The following DDX42 variants were observed in gnomAD, a reference collection of about 807,000 sequenced individuals.
DDX42 encodes DEAD-box helicase 42, also known as ATP-dependent RNA helicase DDX42.
A neutral mutation model predicts 101.5 loss-of-function variants in DDX42; 22 were observed. That is an observed-to-expected ratio of 0.22 (90% confidence interval 0.15 to 0.31). The LOEUF (loss-of-function observed/expected upper bound fraction) is 0.31. Among genes scored for constraint, DDX42 ranks in the 10% least tolerant of loss-of-function variants. The pLI is 1.00. For synonymous variants in DDX42, 402 were observed against 401.2 expected (o/e 1.00, Z -0.02); for missense variants, 849 against 1,199.9 (o/e 0.71, Z 4.32).
intron 1 of DDX42, among the ~76,000 whole-genome samples, chr17:63,778,148 A>C (rs2039443088): frequency 6.6e-6 from 1 of 152,186 alleles, no homozygotes; most frequent in Non-Finnish European, 1.5e-5. Context: ...CGGTATTAAC[A>C]CACACTATGC....
intron 6 of DDX42, among the ~76,000 whole-genome samples, chr17:63,802,781 A>G (rs2039787725): frequency 6.6e-6 from 1 of 152,050 alleles, no homozygotes. Context: ...ATGGTGGTGC[A>G]TGCCTGTAAT....
At chr17:63,814,777 C>T (rs1179673657) in intron 15 of DDX42, among the ~76,000 whole-genome samples, 6 of 147,386 alleles carry the variant, frequency 4.1e-5, no homozygotes, top group Admixed American at 2.1e-4. Flanking sequence ...GCAACCTCTG[C>T]GTCTCCGGTT....
In DDX42 at chr17:63,800,480, C is replaced by T; in HGVS notation, c.484C>T (p.Arg162Ter). 1 of 1,613,128 alleles carries T rather than the reference C, an allele frequency of 6.2e-7. No individual in the cohort carries two copies. The highest frequency in any genetic ancestry group is 8.5e-7 in the Non-Finnish European group (1 of 1,179,656). Residue 162 changes from arginine (R) to a stop codon, truncating the protein, a stop_gained, in exon 6 of 18, where the codon CGA (arginine) becomes TGA (stop). Coordinates refer to ENST00000389924, the MANE Select transcript of DDX42 (RefSeq NM_203499.3). LOFTEE classifies it high-confidence loss of function. ...EEEDDQEAYF[R>*]YMAENPTAGV... ...TGCTTTCCTGCAGGAAGCTTATTTT[C>T]GATACATGGCAGAAAACCCAACTGC...
In DDX42 at chr17:63,813,847, C is replaced by CT. The variant is rs796849319; in HGVS notation, c.1902+403dup. Among the ~76,000 whole-genome samples, 861 of 147,836 alleles carry CT rather than the reference C, an allele frequency of 5.8e-3. 6 individuals carry two copies. The highest frequency in any genetic ancestry group is 0.02 in the African/African-American group (790 of 40,434). On this transcript the variant is annotated intron_variant, in intron 15 of 17. Coordinates refer to ENST00000389924, the MANE Select transcript of DDX42 (RefSeq NM_203499.3). ...TGTGTATAGTATAGTGCCCCCCCAC[C>CT]TTTTTTTTTTGAGACAGAATCTCAC... is the stretch of plus-strand genomic sequence containing the variant.
intron 6 of DDX42, among the ~76,000 whole-genome samples, chr17:63,803,743 G>A (rs896872129): frequency 3.3e-5 from 5 of 151,022 alleles, no homozygotes; most frequent in African/African-American, 7.3e-5. Context: ...TCCTCCTCCC[G>A]GGTTCAAGAG....
chr17:63,804,978 T>C, intron 6 of DDX42, 93 bp from the exon 7 acceptor site: 1 of 1,460,256 alleles, frequency 6.8e-7, no homozygotes, highest in Middle Eastern at 1.8e-4. Flanking sequence ...GCTTTACTTG[T>C]GTAAAATTTG....
chr17:63,807,986 T>A (rs1020278640), intron 9 of DDX42, 86 bp downstream of exon 9: 2 of 964,144 alleles, frequency 2.1e-6, no homozygotes, highest in Admixed American at 3.6e-5. Context: ...ACCAGGAAAC[T>A]TTTTTTTTTA....
chr17:63,812,174 G>T lies in DDX42; in HGVS notation c.1641G>T (p.Lys547Asn). 6.2e-7 allele frequency: 1 copy of T among 1,614,058 alleles called. No individual in the cohort carries two copies. The change falls in exon 14 of 18, where the codon AAG becomes AAT. Residue 547 changes from lysine to asparagine, a missense_variant. Coordinates refer to ENST00000389924, the MANE Select transcript of DDX42 (RefSeq NM_203499.3). ...AGGTCATTTCAGACTTTAAGAAAAAGGACATCCCAGTCCTGGTGGCCACAG... is the reference window on the plus strand; with the variant it reads ...AGGTCATTTCAGACTTTAAGAAAAATGACATCCCAGTCCTGGTGGCCACAG... ...RNKVISDFKK[K>N]DIPVLVATDV...
chr17:63,799,261 G>A (rs1465357126), intron 4 of DDX42, among the ~76,000 whole-genome samples: 1 of 151,884 alleles, frequency 6.6e-6, no homozygotes, highest in East Asian at 1.9e-4. Flanking sequence ...TTTCACAACC[G>A]CATTGTTTGT....
chr17:63,810,484 TA>T (rs766779295), intron 11 of DDX42, 28 bp from the exon 12 acceptor site: 19 of 1,611,790 alleles, frequency 1.2e-5, no homozygotes, highest in Non-Finnish European at 1.5e-5. Context: ...TTTCAGGTTA[TA>T]ATAATTTTAT....
chr17:63,780,228 G>A (rs532860333), intron 1 of DDX42, among the ~76,000 whole-genome samples: 20 of 152,168 alleles, frequency 1.3e-4, no homozygotes, highest in African/African-American at 4.6e-4. Flanking sequence ...CCTGGGAGGC[G>A]GAGGTTGTGG....
At chr17:63,791,014 T>C (rs1441787820) in intron 2 of DDX42, among the ~76,000 whole-genome samples, 2 of 152,368 alleles carry the variant, frequency 1.3e-5, no homozygotes, top group Non-Finnish European at 2.9e-5. Flanking sequence ...TGTATATATA[T>C]GTATGCATGT....
In DDX42 at chr17:63,810,029, C is replaced by G. The variant is rs148258989; in HGVS notation, c.1252+370C>G. On this transcript the variant is annotated intron_variant, in intron 11 of 17. Transcript: ENST00000389924. ...GCTGTCTTTACTGATTGGAACACTG[C>G]TAGACCTAGCCCAGTTGGATGGAGG... Among the ~76,000 whole-genome samples the G allele has an allele frequency of 1.2e-3, 179 of 152,224 alleles. 1 individual carries two copies. The highest frequency in any genetic ancestry group is 4.3e-3 in the African/African-American group (178 of 41,540).
chr17:63,812,180 C>G lies in DDX42; in HGVS notation c.1647C>G (p.Ile549Met). 6.2e-7 allele frequency: 1 copy of G among 1,613,608 alleles called. No individual in the cohort carries two copies. Among genetic ancestry groups the G allele is most frequent in the Non-Finnish European group, 8.5e-7 (1 of 1,179,628 alleles). The change falls in exon 14 of 18, where the codon ATC (isoleucine) becomes ATG (methionine). Residue 549 changes from isoleucine (I) to methionine (M), a missense_variant. Physicochemically the swap from Ile to Met is conservative, Grantham distance 10 (BLOSUM62 1). This residue lies in a region of DDX42 where 370 missense variants were observed against 608.8 expected (regional missense o/e 0.61). Coordinates refer to ENST00000389924, the MANE Select transcript of DDX42 (RefSeq NM_203499.3). ...KVISDFKKKD[I>M]PVLVATDVAA... ...TTTCAGACTTTAAGAAAAAGGACATCCCAGTCCTGGTGGCCACAGATGTTG... is the reference window on the plus strand; with the variant it reads ...TTTCAGACTTTAAGAAAAAGGACATGCCAGTCCTGGTGGCCACAGATGTTG...
intron 2 of DDX42, among the ~76,000 whole-genome samples, chr17:63,789,571 G>GTTTTTTTTTTTT (rs538515067): frequency 2.0e-4 from 9 of 45,666 alleles, no homozygotes; most frequent in Admixed American, 2.3e-4. Context: ...TTTTGTTTTT[G>GTTTTTTTTTTTT]TTTTTTTTTT....
chr17:63,786,770 C>G (rs781539562), intron 1 of DDX42, among the ~76,000 whole-genome samples: 6 of 152,324 alleles, frequency 3.9e-5, no homozygotes, highest in African/African-American at 1.2e-4. Context: ...CTCCGCCTCT[C>G]AGATTCAAGT....
intron 1 of DDX42, among the ~76,000 whole-genome samples, chr17:63,780,607 C>G (rs1336148430): frequency 6.6e-6 from 1 of 152,146 alleles, no homozygotes; most frequent in Non-Finnish European, 1.5e-5. Context: ...AGCACAGTTC[C>G]TTGGCCTTCC....
Position 63,806,529 on chromosome 17 carries a change from C to CTCTA in DDX42, c.727-5_727-2dup, listed in dbSNP as rs1324341679. ...AGTCATTCTGGGGAGTTGTCTCTAT[C>CTCTA]TCTAGGTCTCTGGTGCTGCACCTCC... On this transcript the variant is annotated splice_region_variant and splice_polypyrimidine_tract_variant and intron_variant, in intron 7 of 17. Transcript: ENST00000389924. The CTCTA allele has an allele frequency of 1.9e-6, 3 of 1,609,810 alleles. No individual in the cohort carries two copies. The highest frequency in any genetic ancestry group is 1.7e-4 in the Middle Eastern group (1 of 6,048).
intron 17 of DDX42, chr17:63,817,417 C>G (rs1305711553): frequency 5.6e-6 from 2 of 357,570 alleles, no homozygotes; most frequent in African/African-American, 4.1e-5. Context: ...GTTTTGAATG[C>G]AGATAAATGT....
Sources: allele counts gnomAD v4.1 joint callset (sites outside exome capture counted in the v4.1 genomes callset), GRCh38; gene constraint gnomAD v4.1.1; regional missense constraint gnomAD v4.1.1; transcripts MANE v1.5; gene names NCBI Gene and HGNC (gene_info 2026-07-23, HGNC 2026-07-21).